Variants in TMC5 observed in about 807,000 individuals in gnomAD.
The protein encoded by TMC5 is transmembrane channel-like protein 5.
In TMC5, 86 loss-of-function variants were observed where a neutral mutation model predicts 110.5. The ratio of observed to expected loss-of-function variants is 0.78; its 90% confidence interval spans 0.65 to 0.93. The LOEUF (loss-of-function observed/expected upper bound fraction) is 0.93. TMC5 is among the 40% of genes least tolerant of loss of function. TMC5 has a pLI of 0.00. For missense variants in TMC5, 1,144 were observed against 1,222.8 expected (o/e 0.94, Z 0.96); for synonymous variants, 455 against 439.5 (o/e 1.04, Z -0.44).
intron 2 of TMC5, among the ~76,000 whole-genome samples, chr16:19,432,207 C>T (rs562664372): frequency 8.5e-5 from 13 of 152,252 alleles, no homozygotes; most frequent in East Asian, 7.7e-4. Context: ...ACACAAGATA[C>T]TTAGATGACC....
chr16:19,440,146 A>T lies in TMC5; in HGVS notation c.108A>T (p.Pro36=), dbSNP rs1273567553. 6.2e-7 allele frequency: 1 copy of T among 1,614,180 alleles called. No homozygotes were observed. Among genetic ancestry groups the T allele is most frequent in the South Asian group, 1.1e-5 (1 of 91,086 alleles). The stretch of plus-strand genomic sequence containing the variant: ...GGTATTTGAAAACTCAAGGTTATCC[A>T]GATGTTCCAGGTCCTCTGAACAATC... ...TQGYLKTQGY[P]DVPGPLNNPD... Residue 36 remains proline, a synonymous_variant, in exon 3 of 22, where the codon CCA becomes CCT. Transcript: ENST00000542583.
At chr16:19,457,774 A>G in intron 5 of TMC5, among the ~76,000 whole-genome samples, 1 of 117,770 alleles carries the variant, frequency 8.5e-6, no homozygotes, top group Non-Finnish European at 1.6e-5. Context: ...CCCAGGCTGG[A>G]GTGTAGAGGC....
intron 2 of TMC5, among the ~76,000 whole-genome samples, chr16:19,434,299 T>TATA (rs1296291986): frequency 3.2e-5 from 3 of 94,354 alleles, no homozygotes; most frequent in African/African-American, 6.7e-5. Context: ...ATATATTATA[T>TATA]GATCTATATT....
intron 8 of TMC5, 113 bp from the exon 9 acceptor site, chr16:19,465,968 TA>T: frequency 8.6e-7 from 1 of 1,156,958 alleles, no homozygotes; most frequent in Non-Finnish European, 1.2e-6. Flanking sequence ...ACAAAATGTC[TA>T]AACTGACTGG....
At position 19,484,890 on chromosome 16, in the gene TMC5, A is replaced by G. The variant is rs76028949; in HGVS notation, c.2364-2055A>G. Among the ~76,000 whole-genome samples, 3 of 150,072 alleles carry G rather than the reference A, an allele frequency of 2.0e-5. No homozygotes were observed. In the East Asian group the frequency reaches 5.8e-4, roughly 29 times the overall value. ...TTTTTTTTTTCTCCATGGTTATTTCAGTTCTAACCTTTGCGGGTTTTAGGA... is the reference window on the plus strand; with the variant it reads ...TTTTTTTTTTCTCCATGGTTATTTCGGTTCTAACCTTTGCGGGTTTTAGGA... On this transcript the variant is annotated intron_variant, in intron 15 of 21. Transcript: ENST00000542583.
At position 19,469,747 on chromosome 16, in the gene TMC5, G is replaced by C; in HGVS notation, c.1704G>C (p.Leu568=). The C allele has an allele frequency of 6.2e-7, 1 of 1,614,166 alleles. No individual in the cohort carries two copies. Among genetic ancestry groups the C allele is most frequent in the Non-Finnish European group, 8.5e-7 (1 of 1,180,014 alleles). Residue 568 remains leucine, a synonymous_variant, in exon 10 of 22, where the codon CTG becomes CTC. Transcript: ENST00000542583. ...PHIYSGGITK[L]IFCWDFTVTH... ...TTTACTCCGGAGGGATCACCAAGCT[G>C]ATCTTTTGCTGGGACTTCACTGTCA...
intron 12 of TMC5, among the ~76,000 whole-genome samples, chr16:19,475,523 C>T (rs970214520): frequency 3.3e-5 from 5 of 152,282 alleles, no homozygotes; most frequent in Admixed American, 6.5e-5. Context: ...ATCCGGCTCC[C>T]GGCCAGCGCT....
At chr16:19,413,523 C>CA (rs869158130), upstream of TMC5, among the ~76,000 whole-genome samples, 111 of 52,970 alleles carry the variant, frequency 2.1e-3, 22 homozygotes, top group Non-Finnish European at 3.7e-3. Context: ...AACCCTGCCT[C>CA]AAAAAAAAAA....
At chr16:19,436,060 G>A (rs1967337045) in intron 2 of TMC5, among the ~76,000 whole-genome samples, 1 of 151,878 alleles carries the variant, frequency 6.6e-6, no homozygotes, top group South Asian at 2.1e-4. Flanking sequence ...TCAGGAGTTC[G>A]AGACCAGTCT....
In TMC5 at chr16:19,420,571, C is replaced by T. The variant is rs150177435; in HGVS notation, c.-308+2479C>T. Among the ~76,000 whole-genome samples the T allele has an allele frequency of 2.0e-5, 3 of 152,256 alleles. No individual in the cohort carries two copies. In the East Asian group the frequency reaches 5.8e-4, roughly 29 times the overall value. On this transcript the variant is annotated intron_variant, in intron 1 of 21. Coordinates refer to ENST00000542583, the MANE Select transcript of TMC5 (RefSeq NM_001261841.2). ...AACTCCCTTGTTTCAAGTCATCATC[C>T]AGGCTCAGCCTCCTGGGTAGCTGGG...
At chr16:19,448,734 A>G (rs1967677704) in intron 4 of TMC5, among the ~76,000 whole-genome samples, 1 of 146,422 alleles carries the variant, frequency 6.8e-6, no homozygotes, top group South Asian at 2.1e-4. Flanking sequence ...TTTATATTAT[A>G]TAACATATAA....
At position 19,456,909 on chromosome 16, in the gene TMC5, A is replaced by T. The variant is rs759547167; in HGVS notation, c.1049-3326A>T. On this transcript the variant is annotated intron_variant, in intron 5 of 21. Coordinates refer to ENST00000542583, the MANE Select transcript of TMC5 (RefSeq NM_001261841.2). ...AAAAGGAATGACCAAAAGGGTAACCAGGTGCTGCGGTTTTCAACATCTTTG... is the reference window on the plus strand; with the variant it reads ...AAAAGGAATGACCAAAAGGGTAACCTGGTGCTGCGGTTTTCAACATCTTTG... The T allele has an allele frequency of 9.3e-6, 15 of 1,614,112 alleles. No individual in the cohort carries two copies. The East Asian group carries it at 3.3e-4, about 36-fold the overall frequency.
intron 5 of TMC5, 121 bp from the exon 6 acceptor site, chr16:19,460,114 G>C: frequency 3.4e-6 from 2 of 589,794 alleles, no homozygotes. Context: ...TGTGATCTTT[G>C]AGATCCCCAA....
rs780354038 is a variant in TMC5, at chr16:19,440,837, A to T, written c.788+11A>T. 1 of 1,604,282 alleles carries T rather than the reference A, an allele frequency of 6.2e-7. No homozygotes were observed. The highest frequency in any genetic ancestry group is 8.5e-7 in the Non-Finnish European group (1 of 1,175,052). ...AAAGATGACCAGGGGGTAAGTTCAG[A>T]TATATATCCCTTCACTGGGAGTGGA... On this transcript the variant is annotated intron_variant, in intron 3 of 21. Coordinates refer to ENST00000542583, the MANE Select transcript of TMC5 (RefSeq NM_001261841.2).
chr16:19,450,853 A>G (rs1364875023), intron 5 of TMC5, among the ~76,000 whole-genome samples: 2 of 152,192 alleles, frequency 1.3e-5, no homozygotes, highest in Non-Finnish European at 2.9e-5. Context: ...TATTATGATA[A>G]TGGAGTGTGG....
Position 19,440,831 on chromosome 16 carries a change from G to A in TMC5, c.788+5G>A, listed in dbSNP as rs1195083574. ...GACCCCAAAGATGACCAGGGGGTAA[G>A]TTCAGATATATATCCCTTCACTGGG... On this transcript the variant is annotated splice_donor_5th_base_variant and intron_variant, in intron 3 of 21. Transcript: ENST00000542583. The A allele has an allele frequency of 3.1e-6, 5 of 1,609,646 alleles. No homozygotes were observed. The African/African-American group carries it at 6.7e-5, about 22-fold the overall frequency.
At chr16:19,474,016 C>G (rs1021383626) in intron 11 of TMC5, 109 bp from the exon 12 acceptor site, 1 of 1,042,114 alleles carries the variant, frequency 9.6e-7, no homozygotes, top group African/African-American at 1.6e-5. Context: ...AAATAGTTAA[C>G]CGCAGAGGAG....
At chr16:19,416,767 G>A (rs762468700), upstream of TMC5, among the ~76,000 whole-genome samples, 1 of 152,140 alleles carries the variant, frequency 6.6e-6, no homozygotes, top group African/African-American at 2.4e-5. Context: ...TGTATGGTCC[G>A]CATGTTGCCA....
chr16:19,438,132 C>T (rs1305880416), intron 2 of TMC5, among the ~76,000 whole-genome samples: 1 of 152,104 alleles, frequency 6.6e-6, no homozygotes, highest in Admixed American at 6.6e-5. Flanking sequence ...TGGCTTACGC[C>T]TGTAATCCCA....
Sources: gnomAD v4.1 joint callset for allele counts (sites outside exome capture counted in the v4.1 genomes callset) on GRCh38, gnomAD v4.1.1 for gene constraint, MANE v1.5 for transcripts, NCBI Gene and HGNC (gene_info 2026-07-23, HGNC 2026-07-21) for gene names.